Variants in STON1 observed in about 807,000 individuals in gnomAD.
STON1 encodes the protein stonin-1.
Under a neutral mutation model 60.9 loss-of-function variants are expected in STON1, and 79 were observed. The ratio of observed to expected loss-of-function variants is 1.30; its 90% CI spans 1.08 to 1.56. STON1 has a LOEUF of 1.56. STON1 is among the 40% of genes most tolerant of loss of function. The probability of loss-of-function intolerance (pLI) is 0.00; values close to 1 mark genes in which losing one functional copy is unlikely to be tolerated. For missense variants in STON1, 1,166 were observed against 858.9 expected, an observed-to-expected ratio of 1.36 and a Z score of -4.47; for synonymous variants, 363 against 306.9, an observed-to-expected ratio of 1.18 and a Z score of -1.91.
At chr2:48,554,483 A>G (rs970008463) in intron 1 of STON1, among the ~76,000 whole-genome samples, 2 of 152,156 alleles carry the variant, frequency 1.3e-5, no homozygotes, top group Non-Finnish European at 1.5e-5. Flanking sequence ...TCGGCCTCCC[A>G]AAGTGCTAGG....
rs945671909 is a variant in STON1 at position 48,598,267 on chromosome 2, G to A, written c.*2965G>A. The A allele has an allele frequency of 6.6e-6, 1 of 152,518 alleles. No homozygotes were observed. Among genetic ancestry groups the A allele is most frequent in the Admixed American group, 6.5e-5 (1 of 15,294 alleles). The allele number at this position is 152,518 out of a possible 1,614,324, so 9.4% of individuals were successfully genotyped here. On this transcript the variant is annotated 3_prime_UTR_variant, in exon 4 of 4. Coordinates refer to ENST00000404752, the MANE Select transcript of STON1 (RefSeq NM_006873.4). Reference sequence around the variant, plus strand: ...AAAGGCTGGAATTTTACAACCTGATGTATATATTAGACAGTTCTAGGATGT... The same window carrying A: ...AAAGGCTGGAATTTTACAACCTGATATATATATTAGACAGTTCTAGGATGT...
In STON1 at chr2:48,564,514, T is replaced by C. The variant is rs1171014214; in HGVS notation, c.-47-16073T>C. ...CTTCTTCTTCTTCTTCTTCTTCTTC[T>C]TCTTCTTCTTCTTCTTCTTCTTCTT... On this transcript the variant is annotated intron_variant, in intron 1 of 3. Transcript: ENST00000404752. Among the ~76,000 whole-genome samples, 7 of 33,852 alleles carry C rather than the reference T, an allele frequency of 2.1e-4. 1 individual carries two copies. Among genetic ancestry groups the C allele is most frequent in the Non-Finnish European group, 3.4e-4 (6 of 17,536 alleles). 22.2% of individuals were successfully genotyped at this position (33,852 alleles called of 152,430 possible). A position where few individuals can be genotyped will look rare whatever the true frequency, so the allele number is the denominator to read the frequency against.
In STON1 at chr2:48,581,905, G is replaced by T. The variant is rs765637414; in HGVS notation, c.1272G>T (p.Trp424Cys). The T allele has an allele frequency of 6.2e-7, 1 of 1,614,022 alleles. No individual in the cohort carries two copies. The highest frequency in any genetic ancestry group is 8.5e-7 in the Non-Finnish European group (1 of 1,180,006). The change falls in exon 2 of 4, where the codon TGG (tryptophan) becomes TGT (cysteine). Residue 424 changes from tryptophan (W) to cysteine (C), a missense_variant. Physicochemically the swap from Trp to Cys is radical, Grantham distance 215 (BLOSUM62 -2). Transcript: ENST00000404752. ...CCTTGGAAATTGTGGACAACTTTTG[G>T]GGTAAAGTCACAAAAGAAGGAAAAT... The part of the protein sequence containing the change: ...EISLEIVDNF[W>C]GKVTKEGKFV...
At chr2:48,584,460 GT>G (rs1020105792) in intron 2 of STON1, among the ~76,000 whole-genome samples, 1 of 151,940 alleles carries the variant, frequency 6.6e-6, no homozygotes, top group Admixed American at 6.6e-5. Flanking sequence ...TAGAGACGGG[GT>G]TTTCCCATGT....
intron 2 of STON1, among the ~76,000 whole-genome samples, chr2:48,586,657 T>G (rs1249548418): frequency 6.6e-6 from 1 of 152,028 alleles, no homozygotes; most frequent in African/African-American, 2.4e-5. Flanking sequence ...ACCAGTGTAT[T>G]AAGACCTTGT....
chr2:48,598,459 A>G lies in STON1; in HGVS notation c.*3157A>G, dbSNP rs1408187019. 1 of 152,650 alleles carries G rather than the reference A, an allele frequency of 6.6e-6. No homozygotes were observed. The highest frequency in any genetic ancestry group is 1.5e-5 in the Non-Finnish European group (1 of 68,042). 9.5% of individuals were successfully genotyped at this position (152,650 alleles called of 1,614,324 possible). The stretch of plus-strand genomic sequence containing the variant: ...GGTTGAGCCTTAATCATGTAACAAA[A>G]TATTTTGTAGATTACATATTGATTT... On this transcript the variant is annotated 3_prime_UTR_variant, in exon 4 of 4. Transcript: ENST00000404752.
intron 1 of STON1, among the ~76,000 whole-genome samples, chr2:48,569,351 G>A (rs369105085): frequency 6.6e-6 from 1 of 152,172 alleles, no homozygotes; most frequent in Non-Finnish European, 1.5e-5. Context: ...AAAATGAAAA[G>A]ACCATTTAAA....
In STON1 at chr2:48,598,084, C is replaced by G. The variant is rs546134867; in HGVS notation, c.*2782C>G. The stretch of plus-strand genomic sequence containing the variant: ...ACCAGTTTGTGACTAGTCTGGTCAC[C>G]TTTCCAGTTACAGGATCATATTAAC... On this transcript the variant is annotated 3_prime_UTR_variant, in exon 4 of 4. Transcript: ENST00000404752. 3.3e-5 allele frequency: 5 copies of G among 152,258 alleles called. No homozygotes were observed. In the East Asian group the frequency reaches 9.7e-4, roughly 29 times the overall value. The allele number at this position is 152,258 out of a possible 1,614,324, so 9.4% of individuals were successfully genotyped here. A position where few individuals can be genotyped will look rare whatever the true frequency, so the allele number is the denominator to read the frequency against.
intron 2 of STON1, among the ~76,000 whole-genome samples, chr2:48,590,604 G>C (rs1254512799): frequency 1.5e-5 from 2 of 133,176 alleles, no homozygotes; most frequent in Non-Finnish European, 3.1e-5. Flanking sequence ...CTGCTGCAGT[G>C]ATTACAATGA....
chr2:48,547,056 C>T (rs1671890185), intron 1 of STON1, among the ~76,000 whole-genome samples: 1 of 152,144 alleles, frequency 6.6e-6, no homozygotes, highest in Non-Finnish European at 1.5e-5. Flanking sequence ...AAAATATACT[C>T]AGAAGAGAGG....
intron 1 of STON1, among the ~76,000 whole-genome samples, chr2:48,553,356 C>T (rs931006393): frequency 1.3e-5 from 2 of 150,784 alleles, no homozygotes; most frequent in African/African-American, 2.4e-5. Context: ...AGACCCTTCC[C>T]TTCCCTTCTC....
chr2:48,544,859 G>A (rs1671801871), intron 1 of STON1, among the ~76,000 whole-genome samples: 2 of 152,192 alleles, frequency 1.3e-5, no homozygotes, highest in African/African-American at 2.4e-5. Context: ...AAGGTTTGAT[G>A]CTACAAACCT....
At chr2:48,574,857 T>C (rs1212708521) in intron 1 of STON1, among the ~76,000 whole-genome samples, 1 of 152,242 alleles carries the variant, frequency 6.6e-6, no homozygotes, top group Non-Finnish European at 1.5e-5. Context: ...TTTTATTCAA[T>C]TGTGGTAAAT....
At chr2:48,595,104 C>T (rs755183245) in intron 3 of STON1, 124 bp from the exon 4 acceptor site, 1 of 747,594 alleles carries the variant, frequency 1.3e-6, no homozygotes, top group Non-Finnish European at 2.3e-6. Flanking sequence ...GGGTAGAGGG[C>T]TGTGTCTGTG....
intron 1 of STON1, among the ~76,000 whole-genome samples, chr2:48,536,240 A>G (rs1392219877): frequency 6.6e-6 from 1 of 152,044 alleles, no homozygotes; most frequent in Non-Finnish European, 1.5e-5. Context: ...TACTGTGAAG[A>G]GATAGTGCAT....
chr2:48,573,213 C>G (rs145823909), intron 1 of STON1, among the ~76,000 whole-genome samples: 1 of 152,168 alleles, frequency 6.6e-6, no homozygotes, highest in African/African-American at 2.4e-5. Context: ...CAGGGACTTT[C>G]ATTTTCTGTC....
chr2:48,592,723 A>G (rs1051322671), intron 3 of STON1, among the ~76,000 whole-genome samples: 2 of 151,822 alleles, frequency 1.3e-5, no homozygotes, highest in East Asian at 1.9e-4. Context: ...GGCCTCCCCA[A>G]GTGCTGGGAT....
At position 48,597,701 on chromosome 2, in the gene STON1, G is replaced by A. The variant is rs1377002545; in HGVS notation, c.*2399G>A. Reference sequence around the variant, plus strand: ...AAGCTGATAGCATTAACAGCAGGGTGTTACAGCATAATTGTTAATTCGCAC... The same window carrying A: ...AAGCTGATAGCATTAACAGCAGGGTATTACAGCATAATTGTTAATTCGCAC... On this transcript the variant is annotated 3_prime_UTR_variant, in exon 4 of 4. Coordinates refer to ENST00000404752, the MANE Select transcript of STON1 (RefSeq NM_006873.4). The A allele has an allele frequency of 1.3e-5, 2 of 152,660 alleles. No individual in the cohort carries two copies. The highest frequency in any genetic ancestry group is 2.9e-5 in the Non-Finnish European group (2 of 68,046). 9.5% of individuals were successfully genotyped at this position (152,660 alleles called of 1,614,324 possible). A position where few individuals can be genotyped will look rare whatever the true frequency, so the allele number is the denominator to read the frequency against.
chr2:48,533,180 C>G (rs1333760903), intron 1 of STON1, among the ~76,000 whole-genome samples: 1 of 151,970 alleles, frequency 6.6e-6, no homozygotes, highest in African/African-American at 2.4e-5. Flanking sequence ...TCAGGAGTTC[C>G]AGACCAGCCT....
Sources: gnomAD v4.1 joint callset for allele counts (sites outside exome capture counted in the v4.1 genomes callset) on GRCh38, gnomAD v4.1.1 for gene constraint, MANE v1.5 for transcripts, NCBI Gene and HGNC (gene_info 2026-07-23, HGNC 2026-07-21) for gene names.